The following FHIT variants were observed in gnomAD, a reference collection of about 807,000 sequenced individuals.
The protein encoded by FHIT is bis(5'-adenosyl)-triphosphatase.
A neutral mutation model predicts 17.9 loss-of-function variants in FHIT; 19 were observed. The ratio of observed to expected loss-of-function variants is 1.06; its 90% CI spans 0.74 to 1.56. FHIT has a LOEUF of 1.56. Among genes scored for constraint, FHIT ranks in the 40% most tolerant of loss-of-function variants. The probability of loss-of-function intolerance (pLI) is 0.00; values close to 1 mark genes in which losing one functional copy is unlikely to be tolerated. For synonymous variants in FHIT, 81 were observed against 69.7 expected (o/e 1.16, Z -0.81); for missense variants, 248 against 189.2 (o/e 1.31, Z -1.82).
intron 5 of FHIT, among the ~76,000 whole-genome samples, chr3:60,245,317 G>C (rs115250615): frequency 1.5e-3 from 221 of 152,096 alleles, no homozygotes; most frequent in Non-Finnish European, 2.5e-3. Context: ...AACCATCAAT[G>C]CACACAGCTT....
intron 3 of FHIT, among the ~76,000 whole-genome samples, chr3:60,877,900 G>A (rs1186327330): frequency 4.6e-5 from 7 of 151,962 alleles, no homozygotes; most frequent in Admixed American, 4.6e-4. Flanking sequence ...GTCATTCTAG[G>A]GTACTTGCTG....
chr3:60,829,987 T>C (rs1702263858), intron 3 of FHIT, among the ~76,000 whole-genome samples: 1 of 152,122 alleles, frequency 6.6e-6, no homozygotes, highest in African/African-American at 2.4e-5. Flanking sequence ...TAGAGACTCT[T>C]ACCAATGGAG....
At chr3:60,060,343 GACTA>G (rs894833310) in intron 5 of FHIT, among the ~76,000 whole-genome samples, 21 of 152,248 alleles carry the variant, frequency 1.4e-4, no homozygotes, top group African/African-American at 4.1e-4. Flanking sequence ...AATACTGGGG[GACTA>G]ACTAAGGATC....
intron 5 of FHIT, among the ~76,000 whole-genome samples, chr3:60,260,240 T>A (rs528154482): frequency 6.6e-6 from 1 of 151,734 alleles, no homozygotes; most frequent in African/African-American, 2.4e-5. Context: ...CTTCAGGGTG[T>A]ACCAATTAAG....
At chr3:59,957,960 A>T (rs1024365801) in intron 7 of FHIT, among the ~76,000 whole-genome samples, 1 of 152,222 alleles carries the variant, frequency 6.6e-6, no homozygotes, top group Non-Finnish European at 1.5e-5. Flanking sequence ...CGTTTTAATC[A>T]ACATGTCCTT....
chr3:61,180,925 C>CT (rs2038321906), intron 2 of FHIT, among the ~76,000 whole-genome samples: 2 of 152,102 alleles, frequency 1.3e-5, no homozygotes, highest in African/African-American at 4.8e-5. Flanking sequence ...GCCTGAGTTC[C>CT]TTTAAATTAT....
At chr3:61,170,520 C>G (rs1447417916) in intron 2 of FHIT, among the ~76,000 whole-genome samples, 4 of 152,088 alleles carry the variant, frequency 2.6e-5, no homozygotes, top group African/African-American at 4.8e-5. Flanking sequence ...GATCCTCTCC[C>G]TCCTCTCTCC....
intron 5 of FHIT, among the ~76,000 whole-genome samples, chr3:60,417,161 G>T (rs910438944): frequency 6.6e-6 from 1 of 151,876 alleles, no homozygotes; most frequent in African/African-American, 2.4e-5. Flanking sequence ...AAAAAAGTGT[G>T]GCTACATCCA....
At chr3:60,985,987 C>T (rs1173301963) in intron 3 of FHIT, among the ~76,000 whole-genome samples, 1 of 152,204 alleles carries the variant, frequency 6.6e-6, no homozygotes, top group Non-Finnish European at 1.5e-5. Context: ...CTGCTGTCCT[C>T]AGAACTCCTA....
chr3:60,646,232 T>A (rs1444436748), intron 4 of FHIT, among the ~76,000 whole-genome samples: 2 of 152,206 alleles, frequency 1.3e-5, no homozygotes, highest in Non-Finnish European at 2.9e-5. Context: ...CTACTGGTTA[T>A]AACCTGAAAT....
intron 7 of FHIT, among the ~76,000 whole-genome samples, chr3:59,935,650 G>T (rs1706198209): frequency 6.6e-6 from 1 of 151,924 alleles, no homozygotes; most frequent in African/African-American, 2.4e-5. Context: ...TGGATGGGTG[G>T]GGTGGATGGG....
chr3:60,747,132 A>T (rs114065825), intron 4 of FHIT, among the ~76,000 whole-genome samples: 2,122 of 152,144 alleles, frequency 0.014, 22 homozygotes, highest in Middle Eastern at 0.048. Context: ...TTCACAAAAA[A>T]AAAAAAAAAT....
At chr3:59,977,942 C>T (rs539900715) in intron 7 of FHIT, among the ~76,000 whole-genome samples, 3 of 152,174 alleles carry the variant, frequency 2.0e-5, no homozygotes, top group South Asian at 2.1e-4. Flanking sequence ...CTTTCTTAGA[C>T]GAAAGACAGT....
intron 5 of FHIT, among the ~76,000 whole-genome samples, chr3:60,129,047 T>C (rs1699396954): frequency 1.8e-5 from 2 of 109,168 alleles, no homozygotes; most frequent in African/African-American, 8.7e-5. Context: ...CTTTCCTTTT[T>C]TGTTTGTTTT....
At chr3:60,134,321 A>T (rs764792551) in intron 5 of FHIT, among the ~76,000 whole-genome samples, 4 of 152,230 alleles carry the variant, frequency 2.6e-5, no homozygotes, top group African/African-American at 9.6e-5. Context: ...TCGCAGAGAC[A>T]TCTGGAAAAA....
At chr3:60,517,827 T>C (rs1307519280) in intron 5 of FHIT, among the ~76,000 whole-genome samples, 1 of 152,222 alleles carries the variant, frequency 6.6e-6, no homozygotes, top group Non-Finnish European at 1.5e-5. Context: ...TTAGGAGTTC[T>C]GTAAAGAAGT....
intron 8 of FHIT, among the ~76,000 whole-genome samples, chr3:59,822,205 G>T (rs565547581): frequency 6.6e-6 from 1 of 152,166 alleles, no homozygotes; most frequent in Non-Finnish European, 1.5e-5. Flanking sequence ...TTGACTGATG[G>T]GCATTTGGGC....
intron 3 of FHIT, among the ~76,000 whole-genome samples, chr3:60,986,222 T>C (rs1261277833): frequency 9.2e-5 from 14 of 152,224 alleles, no homozygotes; most frequent in South Asian, 2.1e-4. Flanking sequence ...CACCAAGTGA[T>C]GCTGATCCTG....
intron 3 of FHIT, among the ~76,000 whole-genome samples, chr3:60,951,091 C>G (rs1160851147): frequency 6.6e-6 from 1 of 152,090 alleles, no homozygotes; most frequent in Non-Finnish European, 1.5e-5. Context: ...TCCTGATACA[C>G]AGGAGATTCT....
Sources: allele counts gnomAD v4.1 joint callset (sites outside exome capture counted in the v4.1 genomes callset), GRCh38; gene constraint gnomAD v4.1.1; transcripts MANE v1.5; gene names NCBI Gene and HGNC (gene_info 2026-07-23, HGNC 2026-07-21).